The following INTS6 variants were observed in gnomAD, a reference collection of about 807,000 sequenced individuals.
The protein encoded by INTS6 is DEAD box protein.
In INTS6, 16 loss-of-function variants were observed where a neutral mutation model predicts 104.9. That is an observed-to-expected ratio of 0.15 (90% CI 0.10 to 0.23). The LOEUF (loss-of-function observed/expected upper bound fraction) is 0.23, where lower values mean the gene tolerates loss of function less well. Ranked by LOEUF, INTS6 falls within the 10% of genes least tolerant of loss-of-function variation. INTS6 has a pLI of 1.00. For synonymous variants in INTS6, 324 were observed against 358.7 expected, an observed-to-expected ratio of 0.90 and a Z score of 1.09; for missense variants, 584 against 1,062.8, an observed-to-expected ratio of 0.55 and a Z score of 6.26.
At chr13:51,417,650 T>C in intron 4 of INTS6, among the ~76,000 whole-genome samples, 1 of 151,934 alleles carries the variant, frequency 6.6e-6, no homozygotes, top group South Asian at 2.1e-4. Context: ...AGAGATGGGG[T>C]TTCACCGGGT....
At chr13:51,411,214 A>AAAATAAATAAATAAAT (rs71085083) in intron 4 of INTS6, among the ~76,000 whole-genome samples, 2 of 142,978 alleles carry the variant, frequency 1.4e-5, no homozygotes, top group Admixed American at 7.1e-5. Context: ...CTTTGTCTCA[A>AAAATAAATAAATAAAT]AAATAAATAA....
chr13:51,407,901 C>T (rs1343487673), intron 4 of INTS6, among the ~76,000 whole-genome samples: 1 of 151,348 alleles, frequency 6.6e-6, no homozygotes, highest in Non-Finnish European at 1.5e-5. Context: ...CCTGTAATCC[C>T]AGCTACTCGG....
At chr13:51,445,773 C>T (rs534122529) in intron 3 of INTS6, 1 of 152,186 alleles carries the variant, frequency 6.6e-6, no homozygotes, top group African/African-American at 2.4e-5. Flanking sequence ...GCCCTCTCCA[C>T]CAACAAAAAT....
exon 4 of INTS6, chr13:51,354,172 C>T (rs1384049596): frequency 6.6e-6 from 1 of 151,966 alleles, no homozygotes; most frequent in Non-Finnish European, 1.5e-5. Flanking sequence ...CTTTTCTGCA[C>T]CTACTATATG....
At chr13:51,441,235 G>GA (rs1195474683) in intron 3 of INTS6, 3 of 151,830 alleles carry the variant, frequency 2.0e-5, no homozygotes, top group South Asian at 4.2e-4. Flanking sequence ...TGCTTGTTCT[G>GA]AAAAAAGCAA....
chr13:51,382,607 T>C (rs549419706), intron 9 of INTS6, among the ~76,000 whole-genome samples: 14 of 152,350 alleles, frequency 9.2e-5, no homozygotes, highest in African/African-American at 3.4e-4. Flanking sequence ...TAAAAAATAT[T>C]TGCCAAATGA....
At chr13:51,422,179 C>T (rs932442431) in intron 4 of INTS6, among the ~76,000 whole-genome samples, 8 of 152,074 alleles carry the variant, frequency 5.3e-5, no homozygotes, top group African/African-American at 1.9e-4. Context: ...GATACTTTGT[C>T]TGTCAATTAC....
In INTS6 at chr13:51,451,152, G is replaced by A; in HGVS notation, c.212C>T (p.Ala71Val). Residue 71 changes from alanine to valine, a missense_variant, in exon 3 of 18, where the codon GCA becomes GTA. This residue lies in a region of INTS6 where 70 missense variants were observed against 190.3 expected (regional missense o/e 0.37). Coordinates refer to ENST00000311234, the MANE Select transcript of INTS6 (RefSeq NM_012141.3). ...AIKAGWKENH[A>V]TFMNELKNLQ... is the part of the protein sequence containing the mutation. ...GTTTTTCAATTCATTCATAAACGTT[G>A]CATGGTTTTCTTTCCATCCAGCCTG... 6.4e-7 allele frequency: 1 copy of A among 1,557,488 alleles called. No homozygotes were observed. The highest frequency in any genetic ancestry group is 1.3e-5 in the South Asian group (1 of 78,610).
At chr13:51,405,704 T>C (rs1349325757) in intron 4 of INTS6, among the ~76,000 whole-genome samples, 1 of 152,128 alleles carries the variant, frequency 6.6e-6, no homozygotes, top group East Asian at 1.9e-4. Context: ...AAGCTTGAAT[T>C]ATGCTACTAA....
chr13:51,423,518 T>C (rs1412790057), intron 4 of INTS6, among the ~76,000 whole-genome samples: 2 of 152,088 alleles, frequency 1.3e-5, no homozygotes, highest in East Asian at 3.9e-4. Flanking sequence ...TCTCCTCATA[T>C]ATGGGGTCTA....
At chr13:51,352,420 T>A (rs570011959), downstream of INTS6, among the ~76,000 whole-genome samples, 1 of 152,186 alleles carries the variant, frequency 6.6e-6, no homozygotes, top group East Asian at 1.9e-4. Context: ...GATTTTTGTA[T>A]CTTAATCTTG....
intron 3 of INTS6, chr13:51,437,655 C>T (rs1444603277): frequency 6.6e-6 from 1 of 152,178 alleles, no homozygotes; most frequent in Non-Finnish European, 1.5e-5. Context: ...TTGGAAAACT[C>T]TAACAGTATA....
chr13:51,417,492 T>C (rs1294748581), intron 4 of INTS6, among the ~76,000 whole-genome samples: 1 of 144,410 alleles, frequency 6.9e-6, no homozygotes, highest in African/African-American at 2.6e-5. Context: ...TCTTGCTCTG[T>C]CACCCAGGCT....
intron 4 of INTS6, among the ~76,000 whole-genome samples, chr13:51,428,864 T>C (rs1957032360): frequency 2.6e-5 from 4 of 152,210 alleles, no homozygotes; most frequent in Middle Eastern, 3.4e-3. Context: ...AAATTCCCTT[T>C]ATTATCAACT....
At chr13:51,422,599 T>C (rs867324536) in intron 4 of INTS6, among the ~76,000 whole-genome samples, 1 of 152,200 alleles carries the variant, frequency 6.6e-6, no homozygotes, top group Non-Finnish European at 1.5e-5. Flanking sequence ...TTGTTACATG[T>C]AGTTTGCTAA....
intron 15 of INTS6, among the ~76,000 whole-genome samples, chr13:51,372,531 T>C (rs1275761386): frequency 6.6e-6 from 1 of 152,196 alleles, no homozygotes; most frequent in Admixed American, 6.5e-5. Context: ...CAATAGGCAG[T>C]AACCTGCCTC....
chr13:51,451,932 G>A (rs1177503959), intron 2 of INTS6, 46 bp downstream of exon 2: 8 of 1,462,468 alleles, frequency 5.5e-6, no homozygotes, highest in Non-Finnish European at 7.6e-6. Context: ...AGCGAGGAAG[G>A]AACAGGGAAG....
intron 3 of INTS6, chr13:51,439,747 A>T (rs1952758420): frequency 6.6e-6 from 1 of 152,236 alleles, no homozygotes; most frequent in African/African-American, 2.4e-5. Context: ...CTTTAGCCAG[A>T]AAAAACTGGA....
chr13:51,392,497 T>A (rs180684134), intron 5 of INTS6, among the ~76,000 whole-genome samples: 1 of 152,226 alleles, frequency 6.6e-6, no homozygotes, highest in African/African-American at 2.4e-5. Flanking sequence ...TTCCTCCCTA[T>A]GTAAGCTCCA....
Sources: gnomAD v4.1 joint callset for allele counts (sites outside exome capture counted in the v4.1 genomes callset) on GRCh38, gnomAD v4.1.1 for gene constraint, gnomAD v4.1.1 regional missense constraint, MANE v1.5 for transcripts, NCBI Gene and HGNC (gene_info 2026-07-23, HGNC 2026-07-21) for gene names.